CCDC148: variants seen among roughly 807,000 people sequenced by gnomAD.
The protein encoded by CCDC148 is coiled-coil domain containing 148.
Under a neutral mutation model 85.7 loss-of-function variants are expected in CCDC148, and 89 were observed. The observed-to-expected ratio is 1.04, with a 90% CI of 0.87 to 1.24. The LOEUF is 1.24. Ranked by LOEUF, CCDC148 falls within the 50% of genes most tolerant of loss-of-function variation. The pLI, the probability that CCDC148 is intolerant of heterozygous loss-of-function variation, is 0.00. For missense variants in CCDC148, 692 were observed against 671.7 expected, an observed-to-expected ratio of 1.03 and a Z score of -0.33; for synonymous variants, 230 against 213.9, an observed-to-expected ratio of 1.08 and a Z score of -0.66.
At chr2:158,239,095 T>G (rs769327537) in intron 10 of CCDC148, among the ~76,000 whole-genome samples, 1 of 152,156 alleles carries the variant, frequency 6.6e-6, no homozygotes, top group Non-Finnish European at 1.5e-5. Context: ...CATGGAATAC[T>G]GCCTTGCACA....
chr2:158,439,406 C>A (rs1687831165), intron 1 of CCDC148, among the ~76,000 whole-genome samples: 1 of 152,060 alleles, frequency 6.6e-6, no homozygotes, highest in Non-Finnish European at 1.5e-5. Context: ...TGTTCTCACT[C>A]ATATGTGGGA....
intron 1 of CCDC148, among the ~76,000 whole-genome samples, chr2:158,417,501 AT>A (rs1363714866): frequency 6.6e-6 from 1 of 152,188 alleles, no homozygotes; most frequent in African/African-American, 2.4e-5. Context: ...CCAATATAGG[AT>A]GCTTCCAATA....
intron 1 of CCDC148, among the ~76,000 whole-genome samples, chr2:158,365,842 G>A (rs1684176840): frequency 6.6e-6 from 1 of 152,060 alleles, no homozygotes; most frequent in Admixed American, 6.6e-5. Context: ...CCTGACCACT[G>A]TTGAGGATTA....
chr2:158,452,038 A>G lies in CCDC148; in HGVS notation c.25+4377T>C, dbSNP rs577858337. 2.6e-5 allele frequency among the ~76,000 whole-genome samples: 4 copies of G among 152,324 alleles called. No individual in the cohort carries two copies. In the South Asian group the frequency reaches 8.3e-4, roughly 32 times the overall value. ...ATGAGGAGAATAGTGTAAAGAAGGA[A>G]AAACACTTTTCCTCTATCCTCTTAC... On this transcript the variant is annotated intron_variant, in intron 1 of 13. Coordinates refer to ENST00000283233, the MANE Select transcript of CCDC148 (RefSeq NM_138803.4).
chr2:158,238,299 C>A (rs1015681313), intron 10 of CCDC148, among the ~76,000 whole-genome samples: 1 of 151,870 alleles, frequency 6.6e-6, no homozygotes, highest in Non-Finnish European at 1.5e-5. Flanking sequence ...AATGGAGGGA[C>A]TAGCCTTAGA....
chr2:158,206,232 C>A (rs927652056), intron 11 of CCDC148, among the ~76,000 whole-genome samples: 4 of 152,144 alleles, frequency 2.6e-5, no homozygotes, highest in Non-Finnish European at 4.4e-5. Context: ...CTGGGTGTCA[C>A]TTGAGCCACC....
At chr2:158,175,295 G>A (rs188001645) in intron 13 of CCDC148, among the ~76,000 whole-genome samples, 33 of 151,508 alleles carry the variant, frequency 2.2e-4, no homozygotes, top group Non-Finnish European at 4.7e-4. Context: ...CTTAAACCTT[G>A]TAATTAATCC....
At chr2:158,374,886 C>G (rs1055667611) in intron 1 of CCDC148, among the ~76,000 whole-genome samples, 5 of 146,630 alleles carry the variant, frequency 3.4e-5, no homozygotes, top group South Asian at 4.8e-4. Flanking sequence ...TAGGCACATC[C>G]TCCTGTATGC....
At chr2:158,288,917 G>T (rs528378750) in intron 9 of CCDC148, 29 of 275,582 alleles carry the variant, frequency 1.1e-4, no homozygotes, top group Non-Finnish European at 1.9e-4. Context: ...GAGGCAAAAG[G>T]CACTTCATAC....
chr2:158,405,805 T>C (rs1275525136), intron 1 of CCDC148, among the ~76,000 whole-genome samples: 1 of 152,164 alleles, frequency 6.6e-6, no homozygotes, highest in Non-Finnish European at 1.5e-5. Flanking sequence ...ATTTATTGGA[T>C]AGTACATTCA....
chr2:158,292,262 C>T (rs948281895), intron 9 of CCDC148, among the ~76,000 whole-genome samples: 4 of 151,994 alleles, frequency 2.6e-5, no homozygotes, highest in African/African-American at 4.8e-5. Context: ...TAGTCTTCAG[C>T]GAAAATACTC....
intron 1 of CCDC148, among the ~76,000 whole-genome samples, chr2:158,443,828 C>T (rs1472469982): frequency 1.3e-5 from 2 of 152,164 alleles, no homozygotes; most frequent in African/African-American, 4.8e-5. Context: ...GCAGGCAGGA[C>T]AGGCAAGGCT....
At chr2:158,319,036 A>T (rs1198485067) in intron 7 of CCDC148, among the ~76,000 whole-genome samples, 1 of 152,076 alleles carries the variant, frequency 6.6e-6, no homozygotes, top group Non-Finnish European at 1.5e-5. Flanking sequence ...AAAGTGCTGG[A>T]ATTACAGGCA....
At chr2:158,336,295 T>C (rs1682375555) in intron 7 of CCDC148, among the ~76,000 whole-genome samples, 2 of 152,204 alleles carry the variant, frequency 1.3e-5, no homozygotes, top group Non-Finnish European at 2.9e-5. Context: ...TCTGTATTTA[T>C]TCAAAATCAC....
chr2:158,228,651 C>A (rs1687684756), intron 10 of CCDC148, among the ~76,000 whole-genome samples: 1 of 152,050 alleles, frequency 6.6e-6, no homozygotes, highest in African/African-American at 2.4e-5. Context: ...AGTTCATGTC[C>A]TTTGTAGGGA....
intron 11 of CCDC148, among the ~76,000 whole-genome samples, chr2:158,218,198 G>C (rs546018722): frequency 1.3e-5 from 2 of 152,168 alleles, no homozygotes; most frequent in South Asian, 2.1e-4. Flanking sequence ...TTTAACATAC[G>C]AGTTGAACAA....
intron 1 of CCDC148, among the ~76,000 whole-genome samples, chr2:158,448,785 T>C (rs1688267220): frequency 6.6e-6 from 1 of 152,148 alleles, no homozygotes; most frequent in Non-Finnish European, 1.5e-5. Flanking sequence ...TTCTTTCTCA[T>C]GTTATTATAA....
intron 7 of CCDC148, among the ~76,000 whole-genome samples, chr2:158,327,001 AT>A (rs1329569178): frequency 6.6e-6 from 1 of 152,150 alleles, no homozygotes; most frequent in Non-Finnish European, 1.5e-5. Context: ...AATTTTCACA[AT>A]TTTTAATCTG....
intron 7 of CCDC148, among the ~76,000 whole-genome samples, chr2:158,315,583 A>G (rs1238887017): frequency 6.6e-6 from 1 of 152,124 alleles, no homozygotes; most frequent in Non-Finnish European, 1.5e-5. Flanking sequence ...AGCTAGGTCC[A>G]ACCAGTTCTC....
Sources: allele counts gnomAD v4.1 joint callset (sites outside exome capture counted in the v4.1 genomes callset), GRCh38; gene constraint gnomAD v4.1.1; transcripts MANE v1.5; gene names NCBI Gene and HGNC (gene_info 2026-07-23, HGNC 2026-07-21).